The following SVEP1 variants were observed in gnomAD, a reference collection of about 807,000 sequenced individuals.
SVEP1 encodes the protein sushi, von Willebrand factor type A, EGF and pentraxin domain-containing protein 1.
A neutral mutation model predicts 367.3 loss-of-function variants in SVEP1; 164 were observed. That is an observed-to-expected ratio of 0.45 (90% CI 0.39 to 0.51). The LOEUF (loss-of-function observed/expected upper bound fraction) is 0.51, where lower values mean the gene tolerates loss of function less well. Among genes scored for constraint, SVEP1 ranks in the 20% least tolerant of loss-of-function variants. The probability of loss-of-function intolerance (pLI) is 0.00; values close to 1 mark genes in which losing one functional copy is unlikely to be tolerated. For missense variants in SVEP1, 4,117 were observed against 4,425.3 expected (o/e 0.93, Z 1.98); for synonymous variants, 1,666 against 1,611.6 (o/e 1.03, Z -0.81).
chr9:110,452,725 T>TTTC (rs1273113709), intron 22 of SVEP1, among the ~76,000 whole-genome samples: 1 of 152,224 alleles, frequency 6.6e-6, no homozygotes, highest in African/African-American at 2.4e-5. Flanking sequence ...ATAAAAATGA[T>TTTC]TTCTTCTGTT....
intron 29 of SVEP1, among the ~76,000 whole-genome samples, chr9:110,434,890 C>A (rs545667008): frequency 2.2e-4 from 33 of 151,766 alleles, no homozygotes; most frequent in African/African-American, 8.0e-4. Context: ...CTACCTGTTC[C>A]TAGATACCTT....
intron 38 of SVEP1, 116 bp from the exon 39 acceptor site, chr9:110,404,668 ATTG>A: frequency 1.1e-6 from 1 of 912,246 alleles, no homozygotes; most frequent in East Asian, 2.4e-5. Flanking sequence ...CAACATATTG[ATTG>A]TTGCACAATC....
At chr9:110,505,214 A>G (rs371877289) in intron 5 of SVEP1, among the ~76,000 whole-genome samples, 4 of 152,128 alleles carry the variant, frequency 2.6e-5, no homozygotes, top group African/African-American at 7.2e-5. Flanking sequence ...AGGTTCCCCA[A>G]CGATGTCTGT....
In SVEP1 at chr9:110,369,942, T is replaced by C. The variant is rs755577011; in HGVS notation, c.10675A>G (p.Thr3559Ala). Residue 3559 changes from threonine to alanine, a missense_variant, in exon 47 of 48, where the codon ACG becomes GCG. This residue lies in a region of SVEP1 where 1,765 missense variants were observed against 1,781.1 expected (regional missense o/e 0.99). Transcript: ENST00000374469. ...PNRCHCLSSW[T>A]GHNCSRKRRT... ...TCTTACCTGGAACAGTTATGTCCCGTCCAAGAAGAAAGACAGTGACATCGG... is the reference window on the plus strand; with the variant it reads ...TCTTACCTGGAACAGTTATGTCCCGCCCAAGAAGAAAGACAGTGACATCGG... 10 of 1,613,172 alleles carry C rather than the reference T, an allele frequency of 6.2e-6. No homozygotes were observed. The highest frequency in any genetic ancestry group is 7.6e-6 in the Non-Finnish European group (9 of 1,179,470).
Position 110,406,492 on chromosome 9 carries a change from G to C in SVEP1, c.9108C>G (p.Phe3036Leu). 6.2e-7 allele frequency: 1 copy of C among 1,613,850 alleles called. No individual in the cohort carries two copies. Among genetic ancestry groups the C allele is most frequent in the Non-Finnish European group, 8.5e-7 (1 of 1,179,874 alleles). ...TGATTTCAGAAAGTCCTAGGAGCTTGAAGCCTTTGAAGCACTGAATCCGGG... is the reference window on the plus strand; with the variant it reads ...TGATTTCAGAAAGTCCTAGGAGCTTCAAGCCTTTGAAGCACTGAATCCGGG... ...KAARIQCFKG[F>L]KLLGLSEITC... The change falls in exon 38 of 48, where the codon TTC (phenylalanine) becomes TTG (leucine). Residue 3036 changes from phenylalanine to leucine, a missense_variant. Transcript: ENST00000374469.
At position 110,435,342 on chromosome 9, in the gene SVEP1, C is replaced by T; in HGVS notation, c.4787G>A (p.Cys1596Tyr). The T allele has an allele frequency of 1.2e-6, 2 of 1,613,386 alleles. No homozygotes were observed. Among genetic ancestry groups the T allele is most frequent in the Non-Finnish European group, 1.7e-6 (2 of 1,179,472 alleles). Residue 1596 changes from cysteine (C) to tyrosine (Y), a missense_variant, in exon 29 of 48, where the codon TGC becomes TAC. Physicochemically the swap from Cys to Tyr is radical, Grantham distance 194 (BLOSUM62 -2). Coordinates refer to ENST00000374469, the MANE Select transcript of SVEP1 (RefSeq NM_153366.4). ...GTTTCCTTTACTGAGTTCCTCTGGG[C>T]AGGAGGTAGCCAGTGACTTCACCTG... ...PQQVKSLATS[C>Y]PEELSKGNVL...
intron 36 of SVEP1, among the ~76,000 whole-genome samples, chr9:110,426,100 C>T (rs183457840): frequency 6.6e-6 from 1 of 152,252 alleles, no homozygotes; most frequent in Admixed American, 6.5e-5. Flanking sequence ...AGTGAGTCCA[C>T]AGGGGATAGA....
In SVEP1 at chr9:110,476,327, A is replaced by T. The variant is rs1056038774; in HGVS notation, c.2488-12T>A. ...CAAAATGATGGGACCTGCAAGTAAA[A>T]AATGAAGAGGATAAAGTGTAAATCA... On this transcript the variant is annotated splice_polypyrimidine_tract_variant and intron_variant, in intron 13 of 47. Transcript: ENST00000374469. 3 of 1,586,790 alleles carry T rather than the reference A, an allele frequency of 1.9e-6. No individual in the cohort carries two copies. The highest frequency in any genetic ancestry group is 1.3e-5 in the African/African-American group (1 of 74,320).
chr9:110,390,275 T>TTATATATACACATACG (rs1827625268), intron 40 of SVEP1, among the ~76,000 whole-genome samples: 2 of 67,918 alleles, frequency 2.9e-5, no homozygotes, highest in African/African-American at 1.3e-4. Context: ...ATATATATAC[T>TTATATATACACATACG]TATATATATA....
At chr9:110,406,066 T>C (rs1827949359) in intron 38 of SVEP1, 94 bp downstream of exon 38, 1 of 1,471,414 alleles carries the variant, frequency 6.8e-7, no homozygotes, top group Non-Finnish European at 9.0e-7. Flanking sequence ...TCAGAGATGA[T>C]GTTTTCTTCC....
intron 3 of SVEP1, among the ~76,000 whole-genome samples, chr9:110,514,834 C>T (rs997271031): frequency 3.9e-5 from 6 of 152,196 alleles, no homozygotes; most frequent in African/African-American, 1.4e-4. Flanking sequence ...TCATCTCTAG[C>T]ACTGAGCCCC....
intron 1 of SVEP1, among the ~76,000 whole-genome samples, chr9:110,554,863 TTTG>T (rs1470730059): frequency 6.6e-6 from 1 of 152,156 alleles, no homozygotes; most frequent in African/African-American, 2.4e-5. Flanking sequence ...CACACACATT[TTTG>T]TTGTTGTTGT....
Position 110,496,886 on chromosome 9 carries a change from T to A in SVEP1, c.1729A>T (p.Thr577Ser). ...INCPKDIEAKTLEQQDSANVT... is the reference protein window; with the variant it reads ...INCPKDIEAKSLEQQDSANVT... ...TTGGCAGAATCTTGCTGTTCCAGAG[T>A]CTTAGCCTCTATGTCCTTAGGACAG... The change falls in exon 8 of 48, where the codon ACT becomes TCT. Residue 577 changes from threonine to serine, a missense_variant. By Grantham distance (58) the Thr-to-Ser change is moderately conservative. Around this residue, in one of 4 missense-constraint regions of SVEP1, gnomAD observed 2,174 missense variants for 2,494.3 expected, o/e 0.87. Coordinates refer to ENST00000374469, the MANE Select transcript of SVEP1 (RefSeq NM_153366.4). 6.4e-7 allele frequency: 1 copy of A among 1,556,470 alleles called. No homozygotes were observed. Among genetic ancestry groups the A allele is most frequent in the Non-Finnish European group, 8.7e-7 (1 of 1,148,772 alleles).
At chr9:110,491,788 C>T (rs571018023) in intron 8 of SVEP1, among the ~76,000 whole-genome samples, 11 of 151,780 alleles carry the variant, frequency 7.2e-5, no homozygotes, top group East Asian at 3.9e-4. Context: ...ATATAACTTA[C>T]GAATCATCAG....
intron 1 of SVEP1, among the ~76,000 whole-genome samples, chr9:110,559,765 C>T (rs993999545): frequency 6.6e-6 from 1 of 151,808 alleles, no homozygotes; most frequent in African/African-American, 2.4e-5. Context: ...GTATGTGTAT[C>T]CCAGAATAAT....
At chr9:110,374,224 C>T (rs1827317404) in intron 46 of SVEP1, among the ~76,000 whole-genome samples, 1 of 152,136 alleles carries the variant, frequency 6.6e-6, no homozygotes, top group Non-Finnish European at 1.5e-5. Flanking sequence ...CATTTAGCTC[C>T]CACTTATAAG....
At chr9:110,397,668 G>A (rs373908818) in intron 40 of SVEP1, among the ~76,000 whole-genome samples, 4 of 152,132 alleles carry the variant, frequency 2.6e-5, no homozygotes, top group Non-Finnish European at 2.9e-5. Flanking sequence ...AAATCAATGT[G>A]CAAAAATCAC....
chr9:110,577,196 G>A (rs1215619780), intron 1 of SVEP1, among the ~76,000 whole-genome samples: 1 of 151,960 alleles, frequency 6.6e-6, no homozygotes, highest in Non-Finnish European at 1.5e-5. Flanking sequence ...ACTAGAAAAA[G>A]AATAGATTTT....
chr9:110,556,116 G>T (rs1451084402), intron 1 of SVEP1, among the ~76,000 whole-genome samples: 1 of 152,168 alleles, frequency 6.6e-6, no homozygotes, highest in Non-Finnish European at 1.5e-5. Flanking sequence ...CATCTGTATT[G>T]TATCAAGCCT....
Sources: gnomAD v4.1 joint callset for allele counts (sites outside exome capture counted in the v4.1 genomes callset) on GRCh38, gnomAD v4.1.1 for gene constraint, gnomAD v4.1.1 regional missense constraint, MANE v1.5 for transcripts, NCBI Gene and HGNC (gene_info 2026-07-23, HGNC 2026-07-21) for gene names.